Variants in IFTAP observed in about 807,000 individuals in gnomAD.
The protein encoded by IFTAP is intraflagellar transport associated protein, also known as intraflagellar transport-associated protein.
Under a neutral mutation model 19.4 loss-of-function variants are expected in IFTAP, and 19 were observed. The ratio of observed to expected loss-of-function variants is 0.98; its 90% CI spans 0.68 to 1.44. IFTAP has a LOEUF of 1.44. IFTAP is among the 40% of genes most tolerant of loss of function. The pLI is 0.00. For missense variants in IFTAP, 240 were observed against 253.6 expected, an observed-to-expected ratio of 0.95 and a Z score of 0.36; for synonymous variants, 85 against 83.5, an observed-to-expected ratio of 1.02 and a Z score of -0.10.
chr11:36,652,192 T>G (rs1051419446), intron 5 of IFTAP, among the ~76,000 whole-genome samples: 1 of 152,222 alleles, frequency 6.6e-6, no homozygotes, highest in African/African-American at 2.4e-5. Context: ...GAACATGGAA[T>G]GGTCTTCCAT....
chr11:36,617,323 T>G (rs1240621421), intron 2 of IFTAP, among the ~76,000 whole-genome samples: 1 of 151,534 alleles, frequency 6.6e-6, no homozygotes, highest in Non-Finnish European at 1.5e-5. Flanking sequence ...TGACAAGTAG[T>G]TCTCAAACTT....
chr11:36,649,353 A>G (rs912027980), intron 5 of IFTAP, among the ~76,000 whole-genome samples: 53 of 152,118 alleles, frequency 3.5e-4, no homozygotes, highest in African/African-American at 1.1e-3. Context: ...CCACTTTTCA[A>G]TATGCTTTTT....
chr11:36,605,199 C>A, intron 1 of IFTAP, among the ~76,000 whole-genome samples: 1 of 151,988 alleles, frequency 6.6e-6, no homozygotes, highest in Non-Finnish European at 1.5e-5. Context: ...TAGATTCTTA[C>A]TGAGCAGAAG....
rs185065487 is a variant in IFTAP, at chr11:36,654,178, G to A, written c.499-4841G>A. On this transcript the variant is annotated intron_variant, in intron 5 of 5. Coordinates refer to ENST00000334307, the MANE Select transcript of IFTAP (RefSeq NM_138787.4). ...GCTTGGATGTTTTCAGAATGAAGGC[G>A]TCAATTGCTTTATGATTGCCAAATC... is the stretch of plus-strand genomic sequence containing the variant. 1.2e-3 allele frequency among the ~76,000 whole-genome samples: 176 copies of A among 152,190 alleles called. 3 individuals are homozygous for A. The South Asian group carries it at 0.013, about 11-fold the overall frequency.
At position 36,648,039 on chromosome 11, in the gene IFTAP, G is replaced by C. The variant is rs772385515; in HGVS notation, c.382G>C (p.Val128Leu). ...SEDLLLLPGE[V>L]EQDVSTSIPS... ...AGATTTGCTGCTGCTTCCAGGAGAAGTGGAGCAGGATGTAAGCACCAGCAT... is the reference window on the plus strand; with the variant it reads ...AGATTTGCTGCTGCTTCCAGGAGAACTGGAGCAGGATGTAAGCACCAGCAT... Residue 128 changes from valine to leucine, a missense_variant, in exon 5 of 6, where the codon GTG (valine) becomes CTG (leucine). Physicochemically the swap from Val to Leu is conservative, Grantham distance 32. Coordinates refer to ENST00000334307, the MANE Select transcript of IFTAP (RefSeq NM_138787.4). 6.8e-6 allele frequency: 11 copies of C among 1,613,276 alleles called. No homozygotes were observed. The highest frequency in any genetic ancestry group is 1.7e-4 in the Middle Eastern group (1 of 6,048).
chr11:36,649,199 CA>C (rs141966643), intron 5 of IFTAP, among the ~76,000 whole-genome samples: 3,407 of 152,198 alleles, frequency 0.022, 124 homozygotes, highest in African/African-American at 0.077. Context: ...GCCATTCAGT[CA>C]TAAATAATCC....
intron 4 of IFTAP, among the ~76,000 whole-genome samples, chr11:36,647,449 C>G (rs1385715628): frequency 6.6e-6 from 1 of 152,102 alleles, no homozygotes; most frequent in Non-Finnish European, 1.5e-5. Flanking sequence ...TTGTGCTTAA[C>G]AAGCAGGAAA....
Sources: allele counts gnomAD v4.1 joint callset (sites outside exome capture counted in the v4.1 genomes callset), GRCh38; gene constraint gnomAD v4.1.1; transcripts MANE v1.5; gene names NCBI Gene and HGNC (gene_info 2026-07-23, HGNC 2026-07-21).